Variants in PEBP4 observed in about 807,000 individuals in gnomAD.
PEBP4 encodes the protein phosphatidylethanolamine-binding protein 4.
In PEBP4, 22 loss-of-function variants were observed where a neutral mutation model predicts 23.9. The observed-to-expected ratio is 0.92, with a 90% CI of 0.66 to 1.31. The LOEUF is 1.31. Ranked by LOEUF, PEBP4 falls within the 40% of genes most tolerant of loss-of-function variation. The probability of loss-of-function intolerance (pLI) is 0.00; values close to 1 mark genes in which losing one functional copy is unlikely to be tolerated. For missense variants in PEBP4, 324 were observed against 281.7 expected, an observed-to-expected ratio of 1.15 and a Z score of -1.07; for synonymous variants, 112 against 99.3, an observed-to-expected ratio of 1.13 and a Z score of -0.76.
At chr8:22,869,496 C>T (rs1037218921) in intron 3 of PEBP4, among the ~76,000 whole-genome samples, 1 of 152,170 alleles carries the variant, frequency 6.6e-6, no homozygotes, top group African/African-American at 2.4e-5. Context: ...AAGGTGGTTA[C>T]AGGCTCATGG....
chr8:22,812,182 G>A (rs1414437961), intron 4 of PEBP4, among the ~76,000 whole-genome samples: 2 of 152,122 alleles, frequency 1.3e-5, no homozygotes, highest in Non-Finnish European at 2.9e-5. Context: ...CAAACAACTC[G>A]CTCAGCAGTG....
intron 4 of PEBP4, among the ~76,000 whole-genome samples, chr8:22,739,499 A>C (rs752127254): frequency 2.0e-5 from 3 of 152,118 alleles, no homozygotes; most frequent in Non-Finnish European, 4.4e-5. Flanking sequence ...ATACACTGGG[A>C]GGAAGTGACC....
At chr8:22,856,587 C>T (rs1329194101) in intron 3 of PEBP4, among the ~76,000 whole-genome samples, 1 of 152,140 alleles carries the variant, frequency 6.6e-6, no homozygotes, top group African/African-American at 2.4e-5. Context: ...CGTAGTGGTG[C>T]ATGCCTATAA....
intron 3 of PEBP4, among the ~76,000 whole-genome samples, chr8:22,840,063 T>G (rs59078432): frequency 0.033 from 4,990 of 152,292 alleles, 267 homozygotes; most frequent in African/African-American, 0.11. Context: ...GAAATTTTTT[T>G]CTGTGTGTGG....
chr8:22,874,051 C>T (rs1476396701), intron 3 of PEBP4, among the ~76,000 whole-genome samples: 1 of 152,164 alleles, frequency 6.6e-6, no homozygotes, highest in Non-Finnish European at 1.5e-5. Flanking sequence ...ACATCTTGGT[C>T]TTCCTAACTA....
intron 3 of PEBP4, among the ~76,000 whole-genome samples, chr8:22,914,151 C>G (rs923999292): frequency 7.2e-5 from 11 of 152,068 alleles, no homozygotes; most frequent in African/African-American, 2.7e-4. Context: ...CCACACCCAG[C>G]TAAGTTTTGT....
intron 4 of PEBP4, among the ~76,000 whole-genome samples, chr8:22,805,071 G>A (rs948575373): frequency 2.0e-5 from 3 of 152,176 alleles, no homozygotes; most frequent in Admixed American, 6.5e-5. Context: ...CTGTAATGGA[G>A]TCATTGATTT....
rs1345953020 is a variant in PEBP4 at position 22,865,489 on chromosome 8, C to CGGCCG, written c.259-47759_259-47755dup. Reference sequence around the variant, plus strand: ...GAGGTGGAGCGCGCCACCGCCCCCCCGGCCGCGCAGCGAGAAGGAGCCTCG... The same window carrying CGGCCG: ...GAGGTGGAGCGCGCCACCGCCCCCCCGGCCGGGCCGCGCAGCGAGAAGGAGCCTCG... On this transcript the variant is annotated intron_variant, in intron 3 of 6. Coordinates refer to ENST00000256404, the MANE Select transcript of PEBP4 (RefSeq NM_144962.3). This position sits in a 1 kb window ranked among gnomAD's most constrained non-coding sequence, Gnocchi z 6.9. Among the ~76,000 whole-genome samples the CGGCCG allele has an allele frequency of 6.6e-6, 1 of 152,094 alleles. No homozygotes were observed. Among genetic ancestry groups the CGGCCG allele is most frequent in the Non-Finnish European group, 1.5e-5 (1 of 68,008 alleles).
chr8:22,877,063 A>C (rs1475713156), intron 3 of PEBP4, among the ~76,000 whole-genome samples: 2 of 152,216 alleles, frequency 1.3e-5, no homozygotes, highest in Admixed American at 6.5e-5. Flanking sequence ...TTTGGGTTTC[A>C]GGGAGTTTAT....
chr8:22,888,578 C>G lies in PEBP4; in HGVS notation c.258+31606G>C, dbSNP rs113594792. On this transcript the variant is annotated intron_variant, in intron 3 of 6. Transcript: ENST00000256404. Reference sequence around the variant, plus strand: ...GCTTCTGGAGCCCTCCTGGGCTGGGCCACACCAGTTTGCTCAGGGGCACTG... The same window carrying G: ...GCTTCTGGAGCCCTCCTGGGCTGGGGCACACCAGTTTGCTCAGGGGCACTG... Among the ~76,000 whole-genome samples the G allele has an allele frequency of 3.7e-3, 567 of 152,352 alleles. 2 individuals are homozygous for G. Among genetic ancestry groups the G allele is most frequent in the African/African-American group, 0.013 (533 of 41,574 alleles).
chr8:22,736,431 C>T (rs1037971698), intron 4 of PEBP4, among the ~76,000 whole-genome samples: 3 of 151,860 alleles, frequency 2.0e-5, no homozygotes, highest in African/African-American at 7.3e-5. Context: ...ATAGTGAGAC[C>T]CCATTTCTAC....
chr8:22,901,567 T>TAAGGC (rs1292293691), intron 3 of PEBP4, among the ~76,000 whole-genome samples: 2 of 152,130 alleles, frequency 1.3e-5, no homozygotes, highest in Non-Finnish European at 2.9e-5. Context: ...GCAGCTCGAC[T>TAAGGC]AAGGCAACCT....
At chr8:22,869,417 C>T (rs776049031) in intron 3 of PEBP4, among the ~76,000 whole-genome samples, 4 of 152,198 alleles carry the variant, frequency 2.6e-5, no homozygotes, top group Non-Finnish European at 2.9e-5. Context: ...TTCACAGATG[C>T]GTCCTCAGGA....
chr8:22,795,267 CT>C (rs1368599787), intron 4 of PEBP4, among the ~76,000 whole-genome samples: 1 of 147,746 alleles, frequency 6.8e-6, no homozygotes, highest in Non-Finnish European at 1.5e-5. Context: ...CCTCCACCTC[CT>C]GGGTTCAAGC....
chr8:22,801,715 T>TGCATGCACACACATGCACACAC (rs1289662621), intron 4 of PEBP4, among the ~76,000 whole-genome samples: 21 of 152,058 alleles, frequency 1.4e-4, no homozygotes, highest in African/African-American at 5.1e-4. Flanking sequence ...AATGCACACA[T>TGCATGCACACACATGCACACAC]GCATGCACAC....
At chr8:22,740,792 G>C (rs1454559872) in intron 4 of PEBP4, among the ~76,000 whole-genome samples, 1 of 152,186 alleles carries the variant, frequency 6.6e-6, no homozygotes, top group Non-Finnish European at 1.5e-5. Flanking sequence ...CCAGACCTGA[G>C]AAGGAGGGAG....
At chr8:22,807,371 A>G (rs1806519238) in intron 4 of PEBP4, among the ~76,000 whole-genome samples, 1 of 152,152 alleles carries the variant, frequency 6.6e-6, no homozygotes, top group Non-Finnish European at 1.5e-5. Flanking sequence ...CACTGGGGAG[A>G]GGGGTCTCTG....
intron 3 of PEBP4, among the ~76,000 whole-genome samples, chr8:22,904,544 A>C (rs539418302): frequency 3.3e-5 from 5 of 152,218 alleles, no homozygotes; most frequent in Non-Finnish European, 7.3e-5. Context: ...TTATTAAAGT[A>C]ATACACATTC....
At chr8:22,830,946 T>C (rs1474408504) in intron 3 of PEBP4, among the ~76,000 whole-genome samples, 2 of 152,250 alleles carry the variant, frequency 1.3e-5, no homozygotes, top group African/African-American at 4.8e-5. Context: ...AAAATCCTTC[T>C]CTGGCTTCCC....
Sources: allele counts gnomAD v4.1 joint callset (sites outside exome capture counted in the v4.1 genomes callset), GRCh38; gene constraint gnomAD v4.1.1; non-coding constraint Gnocchi (gnomAD v3.1); transcripts MANE v1.5; gene names NCBI Gene and HGNC (gene_info 2026-07-23, HGNC 2026-07-21).